Variants in CSGALNACT1 observed in about 807,000 individuals in gnomAD.
CSGALNACT1 encodes chondroitin sulfate N-acetylgalactosaminyltransferase 1.
Under a neutral mutation model 51.0 loss-of-function variants are expected in CSGALNACT1, and 52 were observed. The observed-to-expected ratio is 1.02, with a 90% confidence interval of 0.82 to 1.29. The LOEUF (loss-of-function observed/expected upper bound fraction) is 1.29, where lower values mean the gene tolerates loss of function less well. Among genes scored for constraint, CSGALNACT1 ranks in the 50% most tolerant of loss-of-function variants. The probability of loss-of-function intolerance (pLI) is 0.00; values close to 1 mark genes in which losing one functional copy is unlikely to be tolerated. For missense variants in CSGALNACT1, 935 were observed against 679.2 expected (o/e 1.38, Z -4.19); for synonymous variants, 341 against 254.4 (o/e 1.34, Z -3.24).
At chr8:19,606,944 AG>A (rs375327607), upstream of CSGALNACT1, among the ~76,000 whole-genome samples, 38 of 152,244 alleles carry the variant, frequency 2.5e-4, no homozygotes, top group African/African-American at 9.1e-4. Flanking sequence ...TCACAAGGTC[AG>A]GAGATCGAGA....
intron 4 of CSGALNACT1, among the ~76,000 whole-genome samples, chr8:19,472,652 C>T (rs185677678): frequency 3.3e-5 from 5 of 152,322 alleles, no homozygotes; most frequent in East Asian, 1.9e-4. Flanking sequence ...TGAATCAACT[C>T]GGCAATCAAA....
intron 8 of CSGALNACT1, among the ~76,000 whole-genome samples, chr8:19,414,357 A>C (rs574950272): frequency 6.6e-6 from 1 of 152,338 alleles, no homozygotes; most frequent in South Asian, 2.1e-4. Flanking sequence ...AGTGACCTAA[A>C]CAGGAACTGG....
chr8:19,474,615 C>A (rs1221678216), intron 4 of CSGALNACT1, among the ~76,000 whole-genome samples: 1 of 152,032 alleles, frequency 6.6e-6, no homozygotes, highest in Admixed American at 6.5e-5. Flanking sequence ...CACCTATAAT[C>A]CCAACACTTT....
intron 1 of CSGALNACT1, among the ~76,000 whole-genome samples, chr8:19,725,763 G>A (rs1490827598): frequency 6.6e-6 from 1 of 151,980 alleles, no homozygotes; most frequent in East Asian, 1.9e-4. Flanking sequence ...GCAGTTTTAG[G>A]TTCACAGCAA....
intron 1 of CSGALNACT1, among the ~76,000 whole-genome samples, chr8:19,624,434 GAACA>G (rs1177465789): frequency 2.0e-5 from 3 of 152,012 alleles, no homozygotes; most frequent in Admixed American, 6.6e-5. Context: ...TTAGAACATA[GAACA>G]AAGATAATAT....
chr8:19,690,679 G>C (rs1312201242), intron 1 of CSGALNACT1, among the ~76,000 whole-genome samples: 1 of 152,226 alleles, frequency 6.6e-6, no homozygotes, highest in Non-Finnish European at 1.5e-5. Flanking sequence ...GCAGTTTGCA[G>C]ATGGAGCAAT....
At chr8:19,704,540 A>G (rs1467484110) in intron 1 of CSGALNACT1, among the ~76,000 whole-genome samples, 3 of 152,184 alleles carry the variant, frequency 2.0e-5, no homozygotes, top group Non-Finnish European at 4.4e-5. Flanking sequence ...TTAAAAATGG[A>G]ACTACTCTAT....
chr8:19,533,333 G>T (rs2083149258), intron 3 of CSGALNACT1, among the ~76,000 whole-genome samples: 4 of 152,032 alleles, frequency 2.6e-5, no homozygotes, highest in Admixed American at 2.6e-4. Context: ...TGTTGCCCAG[G>T]CTGGTCTCAA....
intron 2 of CSGALNACT1, among the ~76,000 whole-genome samples, chr8:19,593,143 A>G (rs1446968087): frequency 1.3e-5 from 2 of 152,258 alleles, no homozygotes; most frequent in East Asian, 1.9e-4. Flanking sequence ...CCTGCACCAC[A>G]GCTAAAGAAT....
chr8:19,538,736 C>G (rs1291119664), intron 3 of CSGALNACT1, among the ~76,000 whole-genome samples: 1 of 152,090 alleles, frequency 6.6e-6, no homozygotes, highest in African/African-American at 2.4e-5. Flanking sequence ...TCAATTGAAA[C>G]AGCAGGATTT....
chr8:19,446,769 C>G (rs2062192904), intron 5 of CSGALNACT1, among the ~76,000 whole-genome samples: 2 of 152,300 alleles, frequency 1.3e-5, no homozygotes, highest in South Asian at 4.2e-4. Flanking sequence ...TCGCCTTGGC[C>G]TCCCAAAGTG....
intron 3 of CSGALNACT1, among the ~76,000 whole-genome samples, chr8:19,554,233 A>G (rs187720179): frequency 6.6e-6 from 1 of 152,324 alleles, no homozygotes; most frequent in African/African-American, 2.4e-5. Context: ...TGGACTGGTA[A>G]CAGATTTATC....
intron 3 of CSGALNACT1, among the ~76,000 whole-genome samples, chr8:19,528,768 C>T (rs371391925): frequency 1.3e-5 from 2 of 152,154 alleles, no homozygotes; most frequent in African/African-American, 2.4e-5. Flanking sequence ...ATAAACCCAG[C>T]GTGTCCAACT....
chr8:19,592,268 A>T (rs1026093482), intron 2 of CSGALNACT1, among the ~76,000 whole-genome samples: 1 of 152,238 alleles, frequency 6.6e-6, no homozygotes, highest in Non-Finnish European at 1.5e-5. Context: ...AATAAATGTT[A>T]AGTTTACTGA....
intron 1 of CSGALNACT1, among the ~76,000 whole-genome samples, chr8:19,639,544 G>A (rs2056500472): frequency 6.6e-6 from 1 of 152,076 alleles, no homozygotes; most frequent in African/African-American, 2.4e-5. Context: ...TCTTGGTCAG[G>A]GCACATAGTT....
intron 1 of CSGALNACT1, among the ~76,000 whole-genome samples, chr8:19,713,582 T>C (rs767985925): frequency 1.3e-5 from 2 of 152,100 alleles, no homozygotes; most frequent in Admixed American, 1.3e-4. Context: ...GGTATCCTTA[T>C]GAGAACACAG....
At chr8:19,698,941 C>A (rs1564443410) in intron 1 of CSGALNACT1, among the ~76,000 whole-genome samples, 1 of 152,202 alleles carries the variant, frequency 6.6e-6, no homozygotes, top group Non-Finnish European at 1.5e-5. Flanking sequence ...GACCTAGGAA[C>A]ATCCTCCCTT....
At chr8:19,425,708 C>T (rs547654732) in intron 6 of CSGALNACT1, among the ~76,000 whole-genome samples, 3 of 152,292 alleles carry the variant, frequency 2.0e-5, no homozygotes, top group African/African-American at 7.2e-5. Flanking sequence ...GCATCCTCAA[C>T]CTCGGCTAAA....
chr8:19,630,879 C>T lies in CSGALNACT1; in HGVS notation c.-543-29014G>A, dbSNP rs534104537. ...TCATAAACTATGGAGATTTCCCAGA[C>T]ACCCGCCTCCCTACAGTTTCCCCCT... is the stretch of plus-strand genomic sequence containing the variant. On this transcript the variant is annotated intron_variant, in intron 1 of 9. Transcript: ENST00000332246. 3.3e-5 allele frequency among the ~76,000 whole-genome samples: 5 copies of T among 152,120 alleles called. No homozygotes were observed. The South Asian group carries it at 1.0e-3, about 32-fold the overall frequency.
Sources: gnomAD v4.1 joint callset for allele counts (sites outside exome capture counted in the v4.1 genomes callset) on GRCh38, gnomAD v4.1.1 for gene constraint, MANE v1.5 for transcripts, NCBI Gene and HGNC (gene_info 2026-07-23, HGNC 2026-07-21) for gene names.